Variants in ACACA observed in about 807,000 individuals in gnomAD.
ACACA encodes acetyl-CoA carboxylase alpha.
In ACACA, 103 loss-of-function variants were observed where a neutral mutation model predicts 296.1. That is an observed-to-expected ratio of 0.35 (90% confidence interval 0.30 to 0.41). The LOEUF (loss-of-function observed/expected upper bound fraction) is 0.41, where lower values mean the gene tolerates loss of function less well. ACACA is among the 10% of genes least tolerant of loss of function. The probability of loss-of-function intolerance (pLI) is 1.00; values close to 1 mark genes in which losing one functional copy is unlikely to be tolerated. For synonymous variants in ACACA, 953 were observed against 1,038.6 expected, an observed-to-expected ratio of 0.92 and a Z score of 1.58; for missense variants, 1,554 against 2,989.7, an observed-to-expected ratio of 0.52 and a Z score of 11.20.
At chr17:37,139,158 T>C (rs2075454531) in intron 45 of ACACA, among the ~76,000 whole-genome samples, 2 of 152,064 alleles carry the variant, frequency 1.3e-5, no homozygotes, top group Non-Finnish European at 2.9e-5. Context: ...AAATTCAACA[T>C]ATGAAGGTGT....
At chr17:37,305,628 C>T (rs1205975967) in intron 3 of ACACA, among the ~76,000 whole-genome samples, 1 of 152,156 alleles carries the variant, frequency 6.6e-6, no homozygotes, top group Non-Finnish European at 1.5e-5. Context: ...ATATGCTTGC[C>T]CCAACCACAA....
chr17:37,295,591 C>T lies in ACACA; in HGVS notation c.339-10621G>A, dbSNP rs144114693. On this transcript the variant is annotated intron_variant, in intron 3 of 55. Transcript: ENST00000616317. ...ATAACATGAGGTCAGGAGTTCGAGA[C>T]CAGCCTAGCCAACATGTTGAAACGT... 1.4e-3 allele frequency among the ~76,000 whole-genome samples: 213 copies of T among 152,058 alleles called. 1 individual carries two copies. The highest frequency in any genetic ancestry group is 4.9e-3 in the African/African-American group (204 of 41,460).
At chr17:37,404,008 A>G (rs978164962) in intron 1 of ACACA, among the ~76,000 whole-genome samples, 1 of 152,138 alleles carries the variant, frequency 6.6e-6, no homozygotes, top group Non-Finnish European at 1.5e-5. Context: ...ACTGGCCTCA[A>G]ATGATCCATC....
intron 10 of ACACA, among the ~76,000 whole-genome samples, chr17:37,267,792 G>C (rs2081860290): frequency 6.9e-6 from 1 of 144,756 alleles, no homozygotes; most frequent in African/African-American, 2.6e-5. Context: ...ACAATGTCTT[G>C]CTCTGTCACC....
chr17:37,286,457 A>C (rs991465219), intron 3 of ACACA, among the ~76,000 whole-genome samples: 1 of 152,204 alleles, frequency 6.6e-6, no homozygotes, highest in African/African-American at 2.4e-5. Context: ...GTGCTCTGTG[A>C]CAATGGGGCC....
intron 41 of ACACA, among the ~76,000 whole-genome samples, chr17:37,174,020 A>ATATATATATATTTTTTTTTT (rs552735515): frequency 1.2e-4 from 2 of 16,794 alleles, no homozygotes; most frequent in African/African-American, 5.1e-4. Context: ...ATATATATAT[A>ATATATATATATTTTTTTTTT]TTTTTTTTTT....
intron 54 of ACACA, among the ~76,000 whole-genome samples, chr17:37,094,484 C>T (rs1338331243): frequency 6.6e-6 from 1 of 151,924 alleles, no homozygotes; most frequent in Non-Finnish European, 1.5e-5. Flanking sequence ...TAGAGGGTCA[C>T]TTCCTGGTGC....
intron 50 of ACACA, among the ~76,000 whole-genome samples, chr17:37,115,792 A>G (rs78307380): frequency 0.016 from 2,419 of 152,284 alleles, 67 homozygotes; most frequent in African/African-American, 0.053. Flanking sequence ...CATCATGGCT[A>G]GCTTATTGTG....
At chr17:37,352,515 C>T (rs1368436443) in intron 1 of ACACA, among the ~76,000 whole-genome samples, 2 of 151,920 alleles carry the variant, frequency 1.3e-5, no homozygotes, top group African/African-American at 2.4e-5. Context: ...GAGTTTGAGA[C>T]CAGCCTGGGC....
At chr17:37,290,486 A>G (rs1280637792) in intron 3 of ACACA, among the ~76,000 whole-genome samples, 1 of 152,198 alleles carries the variant, frequency 6.6e-6, no homozygotes, top group Non-Finnish European at 1.5e-5. Flanking sequence ...AATCCTCGCA[A>G]TAATGCTATG....
At chr17:37,150,745 T>C (rs2076003773) in intron 44 of ACACA, among the ~76,000 whole-genome samples, 1 of 151,792 alleles carries the variant, frequency 6.6e-6, no homozygotes, top group Non-Finnish European at 1.5e-5. Context: ...AGAGTAAGAC[T>C]CTGTCTCTTA....
intron 47 of ACACA, 67 bp from the exon 48 acceptor site, chr17:37,125,861 G>T: frequency 7.1e-7 from 1 of 1,403,452 alleles, no homozygotes; most frequent in Non-Finnish European, 1.0e-6. Flanking sequence ...TGCTGGAACT[G>T]ACGAATTTAA....
intron 1 of ACACA, among the ~76,000 whole-genome samples, chr17:37,381,848 C>CT (rs2050295350): frequency 7.1e-4 from 107 of 150,652 alleles, no homozygotes; most frequent in Middle Eastern, 3.4e-3. Context: ...AGGATGGTCT[C>CT]GATCGCCTGA....
Position 37,113,255 on chromosome 17 carries a change from G to A in ACACA, c.6285C>T (p.Asp2095=), listed in dbSNP as rs770943438. Residue 2095 remains aspartate, a synonymous_variant, in exon 51 of 56, where the codon GAC becomes GAT. Transcript: ENST00000616317. This position sits in a 1 kb window ranked among gnomAD's most constrained non-coding sequence, Gnocchi z 4.0. ...TGTAAGCACCAAACTTCAGCACTTG[G>A]TCGTACATATCTATGGAGAATGAGA... ...GFSGGMKDMY[D]QVLKFGAYIV... 1 of 1,614,004 alleles carries A rather than the reference G, an allele frequency of 6.2e-7. No homozygotes were observed. The highest frequency in any genetic ancestry group is 1.3e-5 in the African/African-American group (1 of 74,932).
chr17:37,087,480 G>A (rs2072284773), intron 55 of ACACA, 41 bp from the exon 56 acceptor site: 2 of 1,613,264 alleles, frequency 1.2e-6, no homozygotes, highest in Admixed American at 1.7e-5. Context: ...AAGAGAAGCA[G>A]AAGTGTCTAG....
chr17:37,299,381 T>TAAAC, intron 3 of ACACA: 1 of 1,613,568 alleles, frequency 6.2e-7, no homozygotes, highest in East Asian at 2.2e-5. Context: ...TTCGGCCTTG[T>TAAAC]AAACACAAGC....
intron 1 of ACACA, chr17:37,359,130 AG>A: frequency 1.0e-6 from 1 of 985,416 alleles, no homozygotes; most frequent in Middle Eastern, 5.2e-4. Flanking sequence ...CGGCACACGG[AG>A]AAGGGGCGGG....
intron 11 of ACACA, among the ~76,000 whole-genome samples, chr17:37,260,306 TTTTTTTTTTTG>T (rs2081447973): frequency 2.1e-5 from 2 of 96,076 alleles, no homozygotes; most frequent in African/African-American, 1.1e-4. Flanking sequence ...ATTTTTTTTT[TTTTTTTTTTTG>T]GAGATGGAGT....
chr17:37,338,987 G>A (rs1329521170), intron 2 of ACACA, among the ~76,000 whole-genome samples: 1 of 151,790 alleles, frequency 6.6e-6, no homozygotes, highest in Non-Finnish European at 1.5e-5. Flanking sequence ...GAGGGAAAAG[G>A]GGTAAAAGGG....
Sources: gnomAD v4.1 joint callset for allele counts (sites outside exome capture counted in the v4.1 genomes callset) on GRCh38, gnomAD v4.1.1 for gene constraint, Gnocchi (gnomAD v3.1) non-coding constraint, MANE v1.5 for transcripts, NCBI Gene and HGNC (gene_info 2026-07-23, HGNC 2026-07-21) for gene names.